MOB3B: variants seen among roughly 807,000 people sequenced by gnomAD.
MOB3B encodes MOB kinase activator 3B.
MOB3B carries 7 observed loss-of-function variants against 18.7 expected under a neutral mutation model. That is an observed-to-expected ratio of 0.37 (90% CI 0.21 to 0.70). The LOEUF is 0.70. Ranked by LOEUF, MOB3B falls within the 30% of genes least tolerant of loss-of-function variation. The probability of loss-of-function intolerance (pLI) is 0.52; values close to 1 mark genes in which losing one functional copy is unlikely to be tolerated. For missense variants in MOB3B, 253 were observed against 281.3 expected (o/e 0.90, Z 0.72); for synonymous variants, 111 against 99.9 (o/e 1.11, Z -0.66).
chr9:27,494,546 G>A (rs566950756), intron 1 of MOB3B, among the ~76,000 whole-genome samples: 1 of 152,182 alleles, frequency 6.6e-6, no homozygotes, highest in Non-Finnish European at 1.5e-5. Flanking sequence ...GAATATCAGG[G>A]CAGATTCCCC....
intron 3 of MOB3B, among the ~76,000 whole-genome samples, chr9:27,331,390 C>T (rs1411763393): frequency 1.3e-5 from 2 of 152,204 alleles, no homozygotes; most frequent in Admixed American, 1.3e-4. Flanking sequence ...ACTCCTGCCC[C>T]ACTCGCTGTG....
intron 1 of MOB3B, among the ~76,000 whole-genome samples, chr9:27,519,145 C>T (rs1159607061): frequency 2.0e-5 from 3 of 152,142 alleles, no homozygotes; most frequent in African/African-American, 7.2e-5. Context: ...TTGTCCTCTC[C>T]ATATCCCTAC....
chr9:27,500,220 TG>T (rs1249245419), intron 1 of MOB3B, among the ~76,000 whole-genome samples: 1 of 149,682 alleles, frequency 6.7e-6, no homozygotes, highest in Non-Finnish European at 1.5e-5. Context: ...TGTGCTGGGT[TG>T]GGGGGTGGGG....
intron 2 of MOB3B, among the ~76,000 whole-genome samples, chr9:27,402,774 G>A (rs1203132077): frequency 3.3e-5 from 5 of 152,220 alleles, no homozygotes; most frequent in African/African-American, 1.2e-4. Context: ...TCCCAGGAAA[G>A]TGAGAGAGGC....
intron 1 of MOB3B, among the ~76,000 whole-genome samples, chr9:27,496,122 T>C (rs548491186): frequency 6.6e-6 from 1 of 152,358 alleles, no homozygotes; most frequent in African/African-American, 2.4e-5. Flanking sequence ...TCATTACTTG[T>C]ATGACAAAAT....
chr9:27,417,774 A>T (rs1822176271), intron 2 of MOB3B, among the ~76,000 whole-genome samples: 1 of 151,874 alleles, frequency 6.6e-6, no homozygotes, highest in Non-Finnish European at 1.5e-5. Context: ...TAGAAACACA[A>T]CCCTTTGGCC....
chr9:27,390,951 T>G (rs962750200), intron 2 of MOB3B, among the ~76,000 whole-genome samples: 1 of 152,180 alleles, frequency 6.6e-6, no homozygotes, highest in African/African-American at 2.4e-5. Context: ...AACCTGACCA[T>G]GCTGGCATCC....
intron 2 of MOB3B, among the ~76,000 whole-genome samples, chr9:27,410,176 A>T (rs1459869247): frequency 6.6e-6 from 1 of 152,240 alleles, no homozygotes; most frequent in East Asian, 1.9e-4. Flanking sequence ...GTCAGCAGCC[A>T]ATTATTGAGG....
In MOB3B at chr9:27,455,221, T is replaced by C. The variant is rs1165532829; in HGVS notation, c.330A>G (p.Thr110=). The C allele has an allele frequency of 1.2e-6, 2 of 1,614,064 alleles. No individual in the cohort carries two copies. The highest frequency in any genetic ancestry group is 1.7e-6 in the Non-Finnish European group (2 of 1,180,032). ...TCATGTACTGGGGAGCTGGCAGCGC[T>C]GTTGGCTTCTTATACTTGAGATCAT... is the stretch of plus-strand genomic sequence containing the variant. The part of the protein sequence containing the change: ...WQDDLKYKKP[T]ALPAPQYMNL... The change falls in exon 2 of 4, where the codon ACA becomes ACG. Residue 110 remains threonine (T), a synonymous_variant. Transcript: ENST00000262244.
chr9:27,435,045 G>GTT (rs1356081503), intron 2 of MOB3B, among the ~76,000 whole-genome samples: 2 of 124,072 alleles, frequency 1.6e-5, no homozygotes, highest in Non-Finnish European at 3.4e-5. Context: ...TTTGTAAGGT[G>GTT]TTTCTCTCTC....
At chr9:27,472,986 C>T (rs546000530) in intron 1 of MOB3B, among the ~76,000 whole-genome samples, 21 of 152,350 alleles carry the variant, frequency 1.4e-4, no homozygotes, top group Admixed American at 5.2e-4. Context: ...AAGATACAAA[C>T]CATTTGCAAA....
intron 2 of MOB3B, among the ~76,000 whole-genome samples, chr9:27,406,225 G>A (rs1362596211): frequency 6.6e-6 from 1 of 152,194 alleles, no homozygotes; most frequent in East Asian, 1.9e-4. Flanking sequence ...ATTCAGTAAA[G>A]TTGCAGAATA....
At chr9:27,440,159 C>T (rs933995664) in intron 2 of MOB3B, among the ~76,000 whole-genome samples, 13 of 152,174 alleles carry the variant, frequency 8.5e-5, no homozygotes, top group African/African-American at 2.9e-4. Flanking sequence ...CTATAAATCC[C>T]ATTCAGAAAT....
At chr9:27,336,330 AG>A (rs113298806) in intron 3 of MOB3B, among the ~76,000 whole-genome samples, 12,527 of 151,854 alleles carry the variant, frequency 0.082, 1,732 homozygotes, top group African/African-American at 0.28. Flanking sequence ...AAAATGGATA[AG>A]GGGGGGGAAG....
Position 27,326,270 on chromosome 9 carries a change from G to A in MOB3B, c.*4317C>T, listed in dbSNP as rs555833132. Reference sequence around the variant, plus strand: ...TGAGTTACATCAGTGGTCAACAATGGAGCAACAAGACTCCGTAGAGGATGC... The same window carrying A: ...TGAGTTACATCAGTGGTCAACAATGAAGCAACAAGACTCCGTAGAGGATGC... On this transcript the variant is annotated 3_prime_UTR_variant, in exon 4 of 4. Transcript: ENST00000262244. 2 of 391,034 alleles carry A rather than the reference G, an allele frequency of 5.1e-6. No individual in the cohort carries two copies. The highest frequency in any genetic ancestry group is 3.6e-5 in the East Asian group (1 of 27,656). 24.2% of individuals were successfully genotyped at this position (391,034 alleles called of 1,614,324 possible).
At chr9:27,337,392 C>T (rs968046070) in intron 3 of MOB3B, among the ~76,000 whole-genome samples, 5 of 152,216 alleles carry the variant, frequency 3.3e-5, no homozygotes. Flanking sequence ...TCATGGCTTT[C>T]CCCTGCCCTT....
Position 27,455,469 on chromosome 9 carries a change from A to G in MOB3B, c.82T>C (p.Phe28Leu). 6.2e-7 allele frequency: 1 copy of G among 1,613,906 alleles called. No homozygotes were observed. The highest frequency in any genetic ancestry group is 8.5e-7 in the Non-Finnish European group (1 of 1,179,976). Reference protein sequence around the residue: ...KRKFEPGTQRFELHKRAQASL... With the variant: ...KRKFEPGTQRLELHKRAQASL... ...GCCTGAGCCCGTTTGTGCAGCTCAA[A>G]CCTCTGTGTGCCAGGTTCAAATTTC... Residue 28 changes from phenylalanine to leucine, a missense_variant, in exon 2 of 4, where the codon TTT (phenylalanine) becomes CTT (leucine). Transcript: ENST00000262244.
chr9:27,423,855 A>T (rs1822291057), intron 2 of MOB3B, among the ~76,000 whole-genome samples: 1 of 152,268 alleles, frequency 6.6e-6, no homozygotes. Flanking sequence ...ACAGGTGCTA[A>T]GTGCTTTAAC....
rs1820751803 is a variant in MOB3B at position 27,329,072 on chromosome 9, G to A, written c.*1515C>T. 6.6e-6 allele frequency: 1 copy of A among 152,184 alleles called. No individual in the cohort carries two copies. Among genetic ancestry groups the A allele is most frequent in the South Asian group, 2.1e-4 (1 of 4,824 alleles). 9.4% of individuals were successfully genotyped at this position (152,184 alleles called of 1,614,324 possible). ...CTTGGACAAAGATTTCATGATTCTA[G>A]TCTTTTGTGGCAGCCACAGAGGGCT... On this transcript the variant is annotated 3_prime_UTR_variant, in exon 4 of 4. Transcript: ENST00000262244.
Sources: gnomAD v4.1 joint callset for allele counts (sites outside exome capture counted in the v4.1 genomes callset) on GRCh38, gnomAD v4.1.1 for gene constraint, MANE v1.5 for transcripts, NCBI Gene and HGNC (gene_info 2026-07-23, HGNC 2026-07-21) for gene names.